ABCG1: variants seen among roughly 807,000 people sequenced by gnomAD.
ABCG1 encodes the protein ATP binding cassette subfamily G member 1.
ABCG1 carries 29 observed loss-of-function variants against 69.2 expected under a neutral mutation model. The ratio of observed to expected loss-of-function variants is 0.42; its 90% confidence interval spans 0.31 to 0.57. ABCG1 has a LOEUF of 0.57. ABCG1 is among the 20% of genes least tolerant of loss of function. The probability of loss-of-function intolerance (pLI) is 0.15; values close to 1 mark genes in which losing one functional copy is unlikely to be tolerated. For missense variants in ABCG1, 718 were observed against 898.1 expected, an observed-to-expected ratio of 0.80 and a Z score of 2.56; for synonymous variants, 370 against 374.8, an observed-to-expected ratio of 0.99 and a Z score of 0.15.
intron 1 of ABCG1, among the ~76,000 whole-genome samples, chr21:42,223,494 A>G (rs751840238): frequency 6.6e-6 from 1 of 152,094 alleles, no homozygotes; most frequent in African/African-American, 2.4e-5. Context: ...ACCCACCAAG[A>G]GTCCTCAAGG....
At chr21:42,295,675 G>A (rs1251279644) in intron 14 of ABCG1, among the ~76,000 whole-genome samples, 6 of 152,236 alleles carry the variant, frequency 3.9e-5, no homozygotes, top group Non-Finnish European at 5.9e-5. Context: ...TCGACAATCT[G>A]CGTGTGCTCC....
chr21:42,260,747 G>A (rs1285487437), intron 2 of ABCG1, among the ~76,000 whole-genome samples: 1 of 152,100 alleles, frequency 6.6e-6, no homozygotes, highest in Non-Finnish European at 1.5e-5. Context: ...GACCCAGAAA[G>A]CAAACCCCAC....
rs553231638 is a variant in ABCG1 at position 42,259,540 on chromosome 21, A to G, written c.287-11530A>G. On this transcript the variant is annotated intron_variant, in intron 2 of 14. Coordinates refer to ENST00000398449, the MANE Select transcript of ABCG1 (RefSeq NM_016818.3). Reference sequence around the variant, plus strand: ...CTGAGGCTGGCTGGCTGGAGTCATCATGTGGGCCCTCAGGCTATGGAGGCA... The same window carrying G: ...CTGAGGCTGGCTGGCTGGAGTCATCGTGTGGGCCCTCAGGCTATGGAGGCA... 4.8e-5 allele frequency: 74 copies of G among 1,528,988 alleles called. No homozygotes were observed. The African/African-American group carries it at 8.2e-4, about 17-fold the overall frequency. 94.7% of individuals were successfully genotyped at this position (1,528,988 alleles called of 1,614,324 possible). A position where few individuals can be genotyped will look rare whatever the true frequency, so the allele number is the denominator to read the frequency against.
At chr21:42,285,402 A>G (rs2068920898) in intron 7 of ABCG1, among the ~76,000 whole-genome samples, 1 of 152,024 alleles carries the variant, frequency 6.6e-6, no homozygotes, top group Non-Finnish European at 1.5e-5. Context: ...GCTACTGGGG[A>G]GGCTGATGTG....
At chr21:42,204,297 T>G (rs1338842184) in intron 2 of ABCG1, among the ~76,000 whole-genome samples, 1 of 152,216 alleles carries the variant, frequency 6.6e-6, no homozygotes, top group Non-Finnish European at 1.5e-5. Flanking sequence ...ATAAGAGTGG[T>G]GAAAGCAAAC....
chr21:42,234,900 T>G (rs984371363), intron 2 of ABCG1, among the ~76,000 whole-genome samples: 4 of 151,662 alleles, frequency 2.6e-5, no homozygotes, highest in African/African-American at 9.7e-5. Flanking sequence ...TTACTACCGG[T>G]CAACGCTCGC....
In ABCG1 at chr21:42,219,680, C is replaced by G. The variant is rs915826296; in HGVS notation, c.42+376C>G. The G allele has an allele frequency of 4.1e-6, 3 of 740,364 alleles. No homozygotes were observed. The highest frequency in any genetic ancestry group is 6.2e-6 in the Non-Finnish European group (3 of 484,520). The allele number at this position is 740,364 out of a possible 1,614,324, so 45.9% of individuals were successfully genotyped here. On this transcript the variant is annotated intron_variant, in intron 1 of 14. Transcript: ENST00000398449. This position sits in a 1 kb window ranked among gnomAD's most constrained non-coding sequence, Gnocchi z 5.3. ...ACTGGGGAGGGGCCGCAGCTTGGGC[C>G]GGAGGGAAGAGGGGACTTGAAGAAG...
Position 42,273,204 on chromosome 21 carries a change from G to A in ABCG1, c.405-99G>A. On this transcript the variant is annotated intron_variant, in intron 3 of 14. Coordinates refer to ENST00000398449, the MANE Select transcript of ABCG1 (RefSeq NM_016818.3). This position sits in a 1 kb window ranked among gnomAD's most constrained non-coding sequence, Gnocchi z 5.3. ...CCAGTGGTTCAGCTGGGAAGATGCTGGGAGGCAAGCCCCCGTCTCTGGCTC... is the reference window on the plus strand; with the variant it reads ...CCAGTGGTTCAGCTGGGAAGATGCTAGGAGGCAAGCCCCCGTCTCTGGCTC... 6.7e-7 allele frequency: 1 copy of A among 1,493,390 alleles called. No individual in the cohort carries two copies. The allele number at this position is 1,493,390 out of a possible 1,614,324, so 92.5% of individuals were successfully genotyped here.
At chr21:42,228,997 C>T (rs951339332) in intron 2 of ABCG1, among the ~76,000 whole-genome samples, 1 of 152,248 alleles carries the variant, frequency 6.6e-6, no homozygotes, top group Non-Finnish European at 1.5e-5. Context: ...CACGGGTCGC[C>T]ACCCTCCTGG....
chr21:42,281,175 G>C (rs987863049), intron 5 of ABCG1, among the ~76,000 whole-genome samples: 3 of 152,208 alleles, frequency 2.0e-5, no homozygotes, highest in African/African-American at 7.2e-5. Context: ...TTTCTTCCTC[G>C]TGAGTTCTTC....
At chr21:42,209,375 A>G (rs995015003) in intron 2 of ABCG1, among the ~76,000 whole-genome samples, 2 of 152,194 alleles carry the variant, frequency 1.3e-5, no homozygotes, top group Admixed American at 6.5e-5. Flanking sequence ...TTTCTAAAGC[A>G]CTCGAGGTTG....
At chr21:42,226,022 TTCC>T in intron 2 of ABCG1, 108 bp downstream of exon 2, 4 of 1,290,396 alleles carry the variant, frequency 3.1e-6, no homozygotes, top group Non-Finnish European at 4.3e-6. Context: ...TGAGCTTCTC[TTCC>T]CAACGCCGTC....
intron 2 of ABCG1, among the ~76,000 whole-genome samples, chr21:42,258,290 C>A (rs914324664): frequency 6.6e-6 from 1 of 151,500 alleles, no homozygotes; most frequent in Non-Finnish European, 1.5e-5. Context: ...CTTTATCTCT[C>A]CATCTATTTC....
At chr21:42,224,655 G>A (rs2067785315) in intron 1 of ABCG1, among the ~76,000 whole-genome samples, 1 of 152,224 alleles carries the variant, frequency 6.6e-6, no homozygotes, top group Non-Finnish European at 1.5e-5. Context: ...GAAGGGGTGT[G>A]TGTGTGCTTT....
chr21:42,271,828 G>A (rs1370788634), intron 3 of ABCG1, among the ~76,000 whole-genome samples: 2 of 152,172 alleles, frequency 1.3e-5, no homozygotes, highest in Admixed American at 6.5e-5. Flanking sequence ...AGGTTGCAGT[G>A]AGCTGAGATC....
At chr21:42,261,873 G>A (rs1357861603) in intron 2 of ABCG1, among the ~76,000 whole-genome samples, 1 of 152,204 alleles carries the variant, frequency 6.6e-6, no homozygotes, top group Non-Finnish European at 1.5e-5. Flanking sequence ...ACAAGGCCCT[G>A]ATTCTCTGCG....
intron 5 of ABCG1, among the ~76,000 whole-genome samples, chr21:42,279,125 G>A (rs921235168): frequency 6.6e-6 from 1 of 152,192 alleles, no homozygotes; most frequent in East Asian, 1.9e-4. Context: ...GTCTCGGATA[G>A]CCCTCCATCG....
At chr21:42,232,602 T>A (rs886534847) in intron 2 of ABCG1, among the ~76,000 whole-genome samples, 2 of 152,166 alleles carry the variant, frequency 1.3e-5, no homozygotes, top group Admixed American at 1.3e-4. Context: ...TCCGTGGGGG[T>A]TGGTGTCACT....
intron 13 of ABCG1, among the ~76,000 whole-genome samples, chr21:42,293,134 T>TAC (rs1491346042): frequency 2.7e-4 from 21 of 78,688 alleles, no homozygotes; most frequent in African/African-American, 1.1e-3. Context: ...CACCACACAC[T>TAC]ACACACTACA....
Sources: allele counts gnomAD v4.1 joint callset (sites outside exome capture counted in the v4.1 genomes callset), GRCh38; gene constraint gnomAD v4.1.1; non-coding constraint Gnocchi (gnomAD v3.1); transcripts MANE v1.5; gene names NCBI Gene and HGNC (gene_info 2026-07-23, HGNC 2026-07-21).